SCN4A: variants seen among roughly 807,000 people sequenced by gnomAD.
The protein encoded by SCN4A is sodium channel protein type 4 subunit alpha.
Under a neutral mutation model 162.0 loss-of-function variants are expected in SCN4A, and 83 were observed. The ratio of observed to expected loss-of-function variants is 0.51; its 90% CI spans 0.43 to 0.61. SCN4A has a LOEUF of 0.61. SCN4A is among the 20% of genes least tolerant of loss of function. The pLI is 0.00. For synonymous variants in SCN4A, 944 were observed against 985.1 expected, an observed-to-expected ratio of 0.96 and a Z score of 0.78; for missense variants, 2,196 against 2,462.5, an observed-to-expected ratio of 0.89 and a Z score of 2.29.
At position 63,959,442 on chromosome 17, in the gene SCN4A, G is replaced by C. The variant is rs765653675; in HGVS notation, c.1846-4C>G. 6.2e-7 allele frequency: 1 copy of C among 1,612,712 alleles called. No individual in the cohort carries two copies. The highest frequency in any genetic ancestry group is 8.5e-7 in the Non-Finnish European group (1 of 1,179,300). ...CTGTGAAGATGCCTGTGAAGACCTAGGGGGTGGCATGAGGCCCTGTCACAG... is the reference window on the plus strand; with the variant it reads ...CTGTGAAGATGCCTGTGAAGACCTACGGGGTGGCATGAGGCCCTGTCACAG... On this transcript the variant is annotated splice_polypyrimidine_tract_variant and splice_region_variant and intron_variant, in intron 11 of 23. Transcript: ENST00000435607.
chr17:63,951,513 T>C lies in SCN4A; in HGVS notation c.2764A>G (p.Ile922Val). Residue 922 changes from isoleucine (I) to valine (V), a missense_variant, in exon 14 of 24, where the codon ATA becomes GTA. Physicochemically the swap from Ile to Val is conservative, Grantham distance 29. Transcript: ENST00000435607. This position sits in a 1 kb window ranked among gnomAD's most constrained non-coding sequence, Gnocchi z 4.5. ...LNFINNPYLTIQVPIASEESD... is the reference protein window; with the variant it reads ...LNFINNPYLTVQVPIASEESD... ...TCCTCGGAGGCGATGGGCACCTGTA[T>C]GGTCAGGTAGGGGTTGTTGATGAAG... is the stretch of plus-strand genomic sequence containing the variant. 1.9e-6 allele frequency: 3 copies of C among 1,613,864 alleles called. No homozygotes were observed. Among genetic ancestry groups the C allele is most frequent in the Non-Finnish European group, 1.7e-6 (2 of 1,179,838 alleles).
intron 18 of SCN4A, among the ~76,000 whole-genome samples, chr17:63,946,749 C>T (rs940916385): frequency 2.6e-5 from 4 of 152,148 alleles, no homozygotes; most frequent in South Asian, 2.1e-4. Flanking sequence ...CTTCCCTGGC[C>T]GTGGGGCCCT....
rs1397719163 is a variant in SCN4A, at chr17:63,957,331, T to C, written c.2207A>G (p.Asp736Gly). ...YKECVCKIAL[D>G]CNLPRWHMHD... ...CATGTGCCAGCGCGGCAGGTTGCAGTCCAAGGCAATCTTGCACACGCACTC... is the reference window on the plus strand; with the variant it reads ...CATGTGCCAGCGCGGCAGGTTGCAGCCCAAGGCAATCTTGCACACGCACTC... The change falls in exon 13 of 24, where the codon GAC becomes GGC. Residue 736 changes from aspartate (D) to glycine (G), a missense_variant. By Grantham distance (94) the Asp-to-Gly change is moderately conservative. Transcript: ENST00000435607. The C allele has an allele frequency of 5.1e-5, 83 of 1,613,972 alleles. No individual in the cohort carries two copies. The highest frequency in any genetic ancestry group is 6.6e-5 in the Non-Finnish European group (78 of 1,179,974).
chr17:63,942,028 G>A, intron 23 of SCN4A, 35 bp from the exon 24 acceptor site: 1 of 1,527,106 alleles, frequency 6.5e-7, no homozygotes, highest in Non-Finnish European at 8.8e-7. Flanking sequence ...GCTGCCACTG[G>A]GGAGGGGGGC....
At chr17:63,942,804 C>T (rs769605696) in intron 23 of SCN4A, 22 bp downstream of exon 23, 14 of 1,606,510 alleles carry the variant, frequency 8.7e-6, no homozygotes, top group South Asian at 4.4e-5. Context: ...GCTGCCCTGC[C>T]GGTCCAGCCC....
At position 63,951,698 on chromosome 17, in the gene SCN4A, T is replaced by TC. The variant is rs1908918387; in HGVS notation, c.2578dup (p.Glu860GlyfsTer3). On this transcript the variant is annotated frameshift_variant, in exon 14 of 24. Coordinates refer to ENST00000435607, the MANE Select transcript of SCN4A (RefSeq NM_000334.4). LOFTEE classifies it high-confidence loss of function. This position sits in a 1 kb window ranked among gnomAD's most constrained non-coding sequence, Gnocchi z 4.5. ...TCCAGCCTCCCCGGCCCCGTCAGCC[T>TC]CCCCGAGGCTGAGCATGATGTCCTT... is the stretch of plus-strand genomic sequence containing the variant. 2 of 1,598,638 alleles carry TC rather than the reference T, an allele frequency of 1.3e-6. No individual in the cohort carries two copies. Among genetic ancestry groups the TC allele is most frequent in the Non-Finnish European group, 1.7e-6 (2 of 1,172,446 alleles).
rs773739021 is a variant in SCN4A, at chr17:63,945,652, G to A, written c.3442-14C>T. On this transcript the variant is annotated splice_polypyrimidine_tract_variant and intron_variant, in intron 18 of 23. Coordinates refer to ENST00000435607, the MANE Select transcript of SCN4A (RefSeq NM_000334.4). The surrounding 1 kb of genome is among the most constrained non-coding windows in gnomAD (Gnocchi z 4.4). ...GTTCACCACCACCTGGGGGCCAGGG[G>A]GTCCATTGCCAGTGCCTCTCCCAGC... 3 of 1,613,530 alleles carry A rather than the reference G, an allele frequency of 1.9e-6. No individual in the cohort carries two copies. Among genetic ancestry groups the A allele is most frequent in the African/African-American group, 1.3e-5 (1 of 74,986 alleles).
intron 15 of SCN4A, 111 bp from the exon 16 acceptor site, chr17:63,948,876 C>G (rs1233022260): frequency 1.0e-6 from 1 of 997,268 alleles, no homozygotes; most frequent in Non-Finnish European, 1.4e-6. Context: ...CTCTCCAGCT[C>G]CCAGACCCAG....
Position 63,972,474 on chromosome 17 carries a change from A to C in SCN4A, c.274-4T>G. ...CCTTGTTGAGTACGATGAAGGTCTA[A>C]GGTGGGAGAGAGGCTGTGAGACCCA... is the stretch of plus-strand genomic sequence containing the variant. On this transcript the variant is annotated splice_polypyrimidine_tract_variant and splice_region_variant and intron_variant, in intron 1 of 23. Coordinates refer to ENST00000435607, the MANE Select transcript of SCN4A (RefSeq NM_000334.4). The surrounding 1 kb of genome is among the most constrained non-coding windows in gnomAD (Gnocchi z 4.3). The C allele has an allele frequency of 1.2e-6, 2 of 1,613,336 alleles. No homozygotes were observed. Among genetic ancestry groups the C allele is most frequent in the Non-Finnish European group, 1.7e-6 (2 of 1,179,584 alleles).
At position 63,945,483 on chromosome 17, in the gene SCN4A, G is replaced by A. The variant is rs1270682421; in HGVS notation, c.3597C>T (p.Asp1199=). The change falls in exon 19 of 24, where the codon GAC becomes GAT. Residue 1199 remains aspartate (D), a synonymous_variant. Transcript: ENST00000435607. This position sits in a 1 kb window ranked among gnomAD's most constrained non-coding sequence, Gnocchi z 4.4. ...CINTTTSERF[D]ISEVNNKSEC... ...CAGACTTGTTGTTGACCTCGGAGAT[G>A]TCGAACCTCTCAGAGGTGGTGGTGT... 2.5e-6 allele frequency: 4 copies of A among 1,613,988 alleles called. No homozygotes were observed. Among genetic ancestry groups the A allele is most frequent in the East Asian group, 4.5e-5 (2 of 44,880 alleles).
At chr17:63,963,928 C>T (rs966027795) in intron 9 of SCN4A, 103 bp from the exon 10 acceptor site, 4 of 1,144,486 alleles carry the variant, frequency 3.5e-6, no homozygotes, top group Non-Finnish European at 4.9e-6. Flanking sequence ...GGGTGGCAGC[C>T]CCTCTTCCTG....
rs761019822 is a variant in SCN4A, at chr17:63,945,242, G to A, written c.3720+118C>T. 2 of 1,030,932 alleles carry A rather than the reference G, an allele frequency of 1.9e-6. No homozygotes were observed. Among genetic ancestry groups the A allele is most frequent in the Non-Finnish European group, 2.9e-6 (2 of 688,292 alleles). The allele number at this position is 1,030,932 out of a possible 1,614,324, so 63.9% of individuals were successfully genotyped here. A position where few individuals can be genotyped will look rare whatever the true frequency, so the allele number is the denominator to read the frequency against. On this transcript the variant is annotated intron_variant, in intron 19 of 23. Coordinates refer to ENST00000435607, the MANE Select transcript of SCN4A (RefSeq NM_000334.4). The surrounding 1 kb of genome is among the most constrained non-coding windows in gnomAD (Gnocchi z 4.4). ...CACTGCCTGGGGATCCCACAGCATT[G>A]GAAGCAGGGTGGGCGGTCCCCTAAC...
Position 63,945,614 on chromosome 17 carries a change from C to A in SCN4A, c.3466G>T (p.Ala1156Ser), listed in dbSNP as rs80338958. ...MRVVVNALLGAIPSIMNVLLV... is the reference protein window; with the variant it reads ...MRVVVNALLGSIPSIMNVLLV... ...AGCACATTCATGATGGAGGGGATGG[C>A]GCCTAGGAGGGCGTTCACCACCACC... The change falls in exon 19 of 24, where the codon GCC becomes TCC. Residue 1156 changes from alanine to serine, a missense_variant. Physicochemically the swap from Ala to Ser is moderately conservative, Grantham distance 99. Coordinates refer to ENST00000435607, the MANE Select transcript of SCN4A (RefSeq NM_000334.4). This position sits in a 1 kb window ranked among gnomAD's most constrained non-coding sequence, Gnocchi z 4.4. 4.3e-6 allele frequency: 7 copies of A among 1,613,880 alleles called. No homozygotes were observed. The South Asian group carries it at 5.5e-5, about 13-fold the overall frequency.
At chr17:63,969,482 T>C (rs1397903425) in intron 5 of SCN4A, among the ~76,000 whole-genome samples, 2 of 152,200 alleles carry the variant, frequency 1.3e-5, no homozygotes, top group Non-Finnish European at 2.9e-5. Flanking sequence ...TGCTGGCAGC[T>C]GGCACAGAGG....
intron 12 of SCN4A, 24 bp from the exon 13 acceptor site, chr17:63,957,542 T>G: frequency 6.4e-7 from 1 of 1,562,656 alleles, no homozygotes; most frequent in Non-Finnish European, 8.8e-7. Flanking sequence ...AGGGCAAGGG[T>G]GAATGAGGCC....
Position 63,962,131 on chromosome 17 carries a change from C to A in SCN4A, c.1607-700G>T, listed in dbSNP as rs529523402. ...AGGGAGCTGGACAGGACGCCCACCC[C>A]CTGCCAGAGGCCCAGGGCTGCGAGC... is the stretch of plus-strand genomic sequence containing the variant. On this transcript the variant is annotated intron_variant, in intron 10 of 23. Coordinates refer to ENST00000435607, the MANE Select transcript of SCN4A (RefSeq NM_000334.4). Among the ~76,000 whole-genome samples, 456 of 152,306 alleles carry A rather than the reference C, an allele frequency of 3.0e-3. 1 individual carries two copies. The highest frequency in any genetic ancestry group is 6.8e-3 in the Middle Eastern group (2 of 294).
intron 4 of SCN4A, 75 bp downstream of exon 4, chr17:63,971,647 C>A (rs1390758031): frequency 1.4e-6 from 2 of 1,392,374 alleles, no homozygotes; most frequent in African/African-American, 1.4e-5. Flanking sequence ...TCAGCCCAGG[C>A]AGCTTCCCTC....
intron 5 of SCN4A, among the ~76,000 whole-genome samples, chr17:63,970,929 C>T (rs1398835898): frequency 6.6e-6 from 1 of 152,214 alleles, no homozygotes; most frequent in African/African-American, 2.4e-5. Flanking sequence ...CCACCATGCC[C>T]AGCTGAGTCT....
At chr17:63,942,730 T>C in intron 23 of SCN4A, 96 bp downstream of exon 23, 1 of 1,254,738 alleles carries the variant, frequency 8.0e-7, no homozygotes, top group Non-Finnish European at 1.1e-6. Context: ...TGGGTGAGCG[T>C]GTGAGGGTGC....
Sources: gnomAD v4.1 joint callset for allele counts (sites outside exome capture counted in the v4.1 genomes callset) on GRCh38, gnomAD v4.1.1 for gene constraint, Gnocchi (gnomAD v3.1) non-coding constraint, MANE v1.5 for transcripts, NCBI Gene and HGNC (gene_info 2026-07-23, HGNC 2026-07-21) for gene names.